Variants in AUTS2 observed in about 807,000 individuals in gnomAD.
AUTS2 encodes activator of transcription and developmental regulator AUTS2, also known as autism susceptibility gene 2 protein.
Under a neutral mutation model 112.4 loss-of-function variants are expected in AUTS2, and 17 were observed. The ratio of observed to expected loss-of-function variants is 0.15; its 90% CI spans 0.10 to 0.23. AUTS2 has a LOEUF of 0.23. Among genes scored for constraint, AUTS2 ranks in the 10% least tolerant of loss-of-function variants. AUTS2 has a pLI of 1.00. For synonymous variants in AUTS2, 751 were observed against 702.7 expected, an observed-to-expected ratio of 1.07 and a Z score of -1.09; for missense variants, 1,510 against 1,701.6, an observed-to-expected ratio of 0.89 and a Z score of 1.98.
intron 1 of AUTS2, among the ~76,000 whole-genome samples, chr7:69,882,181 C>T (rs906282798): frequency 7.3e-6 from 1 of 137,584 alleles, no homozygotes; most frequent in Non-Finnish European, 1.5e-5. Context: ...AAAAAAAGAC[C>T]AAGTGATAGG....
chr7:70,756,590 A>G (rs1789224734), intron 6 of AUTS2, among the ~76,000 whole-genome samples: 1 of 152,248 alleles, frequency 6.6e-6, no homozygotes, highest in South Asian at 2.1e-4. Flanking sequence ...TTATAATAAC[A>G]TACCTTTAAG....
At chr7:70,180,731 C>T (rs953099251) in intron 4 of AUTS2, among the ~76,000 whole-genome samples, 1 of 145,994 alleles carries the variant, frequency 6.8e-6, no homozygotes, top group Non-Finnish European at 1.5e-5. Flanking sequence ...ACAAGCCTGT[C>T]GTTTTCCATA....
chr7:70,689,711 G>A (rs975047556), intron 5 of AUTS2, among the ~76,000 whole-genome samples: 2 of 150,738 alleles, frequency 1.3e-5, no homozygotes, highest in Non-Finnish European at 2.9e-5. Context: ...GGGAGGCGGG[G>A]CTTGCAGTGA....
intron 5 of AUTS2, among the ~76,000 whole-genome samples, chr7:70,480,246 A>G (rs6958095): frequency 0.41 from 62,566 of 152,104 alleles, 13,235 homozygotes; most frequent in African/African-American, 0.47. Flanking sequence ...GACAACTTTG[A>G]GCCAGGAGTG....
In AUTS2 at chr7:70,789,899, A is replaced by G; in HGVS notation, c.2683A>G (p.Arg895Gly). 2 of 1,614,144 alleles carry G rather than the reference A, an allele frequency of 1.2e-6. No homozygotes were observed. Among genetic ancestry groups the G allele is most frequent in the Non-Finnish European group, 1.7e-6 (2 of 1,180,036 alleles). Residue 895 changes from arginine to glycine, a missense_variant, in exon 19 of 19, where the codon AGA (arginine) becomes GGA (glycine). Physicochemically the swap from Arg to Gly is moderately radical, Grantham distance 125. Around this residue, in one of 3 missense-constraint regions of AUTS2, gnomAD observed 788 missense variants for 797.6 expected, o/e 0.99. Coordinates refer to ENST00000342771, the MANE Select transcript of AUTS2 (RefSeq NM_015570.4). ...REKDKPKERE[R>G]DHSESRKDLA... Reference sequence around the variant, plus strand: ...GAAGGACAAACCCAAAGAGAGGGAGAGAGACCACTCGGAATCCCGCAAGGA... The same window carrying G: ...GAAGGACAAACCCAAAGAGAGGGAGGGAGACCACTCGGAATCCCGCAAGGA...
intron 1 of AUTS2, among the ~76,000 whole-genome samples, chr7:69,666,816 C>A (rs1347450043): frequency 1.3e-5 from 2 of 151,988 alleles, no homozygotes; most frequent in African/African-American, 4.8e-5. Context: ...GTGGGAGGAT[C>A]GCTTGAGCCC....
chr7:69,623,554 T>C (rs535964842), intron 1 of AUTS2, among the ~76,000 whole-genome samples: 77 of 152,006 alleles, frequency 5.1e-4, no homozygotes, highest in African/African-American at 1.8e-3. Flanking sequence ...GTTTTTTGTT[T>C]GTTTGTTTGT....
intron 1 of AUTS2, among the ~76,000 whole-genome samples, chr7:69,688,183 T>A (rs1183840707): frequency 6.6e-6 from 1 of 152,232 alleles, no homozygotes; most frequent in African/African-American, 2.4e-5. Context: ...TTGACAGCTG[T>A]TGTCTGGTGA....
chr7:69,685,382 A>G lies in AUTS2; in HGVS notation c.309+85420A>G, dbSNP rs76508362. 6.4e-3 allele frequency among the ~76,000 whole-genome samples: 982 copies of G among 152,322 alleles called. 7 individuals are homozygous for G. Among genetic ancestry groups the G allele is most frequent in the African/African-American group, 0.022 (914 of 41,570 alleles). ...TCATTTTGGAATATAGAGAAAATTG[A>G]AAGTAGGTCACAGTTCTCTATTCCT... On this transcript the variant is annotated intron_variant, in intron 1 of 18. Transcript: ENST00000342771.
At chr7:70,458,013 A>G (rs1397049874) in intron 5 of AUTS2, among the ~76,000 whole-genome samples, 1 of 151,060 alleles carries the variant, frequency 6.6e-6, no homozygotes, top group Non-Finnish European at 1.5e-5. Flanking sequence ...AGGGGCCTAG[A>G]AAAGGCTGAA....
At chr7:70,502,373 T>G (rs1407412104) in intron 5 of AUTS2, among the ~76,000 whole-genome samples, 1 of 152,218 alleles carries the variant, frequency 6.6e-6, no homozygotes, top group Non-Finnish European at 1.5e-5. Context: ...TGTTACACTT[T>G]AAGGCTGCCA....
intron 1 of AUTS2, among the ~76,000 whole-genome samples, chr7:69,641,225 G>A (rs1313459541): frequency 6.6e-6 from 1 of 152,180 alleles, no homozygotes; most frequent in Non-Finnish European, 1.5e-5. Context: ...GGAAGGAATG[G>A]TATTTTCCCC....
chr7:70,269,513 C>T (rs1019642009), intron 4 of AUTS2, among the ~76,000 whole-genome samples: 3 of 152,216 alleles, frequency 2.0e-5, no homozygotes, highest in African/African-American at 7.2e-5. Flanking sequence ...GGTTAAAAGT[C>T]TGGTGCTGAC....
At chr7:69,864,770 T>C (rs1481571311) in intron 1 of AUTS2, among the ~76,000 whole-genome samples, 2 of 152,162 alleles carry the variant, frequency 1.3e-5, no homozygotes, top group African/African-American at 4.8e-5. Flanking sequence ...TGCTGTTGGG[T>C]TGGCACTGAC....
intron 1 of AUTS2, among the ~76,000 whole-genome samples, chr7:69,692,075 T>A (rs1797372703): frequency 6.6e-6 from 1 of 152,194 alleles, no homozygotes; most frequent in Non-Finnish European, 1.5e-5. Flanking sequence ...CTACAAGGGC[T>A]GTGTGTATAT....
chr7:70,513,363 C>A (rs1250120648), intron 5 of AUTS2, among the ~76,000 whole-genome samples: 1 of 152,210 alleles, frequency 6.6e-6, no homozygotes, highest in Non-Finnish European at 1.5e-5. Flanking sequence ...GAAGCCACAG[C>A]CTCCATAAGT....
intron 5 of AUTS2, among the ~76,000 whole-genome samples, chr7:70,589,242 G>T (rs1802824941): frequency 2.0e-5 from 3 of 151,928 alleles, no homozygotes; most frequent in Non-Finnish European, 2.9e-5. Flanking sequence ...CGGGTCTGCA[G>T]AATGAATTCT....
chr7:69,800,890 C>T (rs1790052575), intron 1 of AUTS2, among the ~76,000 whole-genome samples: 3 of 152,102 alleles, frequency 2.0e-5, no homozygotes, highest in Admixed American at 2.0e-4. Context: ...GTACTTCTTA[C>T]CCCCTCACCT....
intron 1 of AUTS2, among the ~76,000 whole-genome samples, chr7:69,823,715 T>C (rs1791106506): frequency 6.6e-6 from 1 of 151,906 alleles, no homozygotes; most frequent in East Asian, 1.9e-4. Flanking sequence ...GATTTTTCTG[T>C]GCACATAAAA....
Sources: gnomAD v4.1 joint callset for allele counts (sites outside exome capture counted in the v4.1 genomes callset) on GRCh38, gnomAD v4.1.1 for gene constraint, gnomAD v4.1.1 regional missense constraint, MANE v1.5 for transcripts, NCBI Gene and HGNC (gene_info 2026-07-23, HGNC 2026-07-21) for gene names.